The following NIBAN1 variants were observed in gnomAD, a reference collection of about 807,000 sequenced individuals.
The protein encoded by NIBAN1 is niban apoptosis regulator 1.
In NIBAN1, 81 loss-of-function variants were observed where a neutral mutation model predicts 75.1. That is an observed-to-expected ratio of 1.08 (90% CI 0.90 to 1.30). The LOEUF (loss-of-function observed/expected upper bound fraction) is 1.30, where lower values mean the gene tolerates loss of function less well. Ranked by LOEUF, NIBAN1 falls within the 50% of genes most tolerant of loss-of-function variation. NIBAN1 has a pLI of 0.00. For missense variants in NIBAN1, 1,133 were observed against 1,128.1 expected, an observed-to-expected ratio of 1.00 and a Z score of -0.06; for synonymous variants, 436 against 424.8, an observed-to-expected ratio of 1.03 and a Z score of -0.32.
intron 5 of NIBAN1, among the ~76,000 whole-genome samples, chr1:184,866,385 T>G (rs1489930647): frequency 6.6e-6 from 1 of 152,144 alleles, no homozygotes; most frequent in Non-Finnish European, 1.5e-5. Context: ...GCTATTGGCT[T>G]AGGATTTAGT....
At chr1:184,927,278 G>A (rs762420446) in intron 1 of NIBAN1, among the ~76,000 whole-genome samples, 2 of 152,126 alleles carry the variant, frequency 1.3e-5, no homozygotes, top group Non-Finnish European at 2.9e-5. Flanking sequence ...CTCAGTCTGG[G>A]CTTGTTTGTA....
At chr1:184,867,976 G>A in intron 5 of NIBAN1, 1 of 985,356 alleles carries the variant, frequency 1.0e-6, no homozygotes, top group South Asian at 4.7e-5. Flanking sequence ...AGGTGGGGAA[G>A]GAAAAAACAA....
At chr1:184,893,947 C>T in intron 3 of NIBAN1, 128 bp downstream of exon 3, 1 of 914,228 alleles carries the variant, frequency 1.1e-6, no homozygotes, top group Non-Finnish European at 1.6e-6. Flanking sequence ...GAATCAGTCT[C>T]TATTTTTGTA....
chr1:184,844,137 G>A (rs545460685), intron 5 of NIBAN1, among the ~76,000 whole-genome samples: 1 of 152,326 alleles, frequency 6.6e-6, no homozygotes, highest in Non-Finnish European at 1.5e-5. Context: ...TATCACTGTA[G>A]CACATAAAAA....
At chr1:184,972,806 C>T (rs192880041) in intron 1 of NIBAN1, among the ~76,000 whole-genome samples, 9 of 152,316 alleles carry the variant, frequency 5.9e-5, no homozygotes, top group East Asian at 5.8e-4. Context: ...ACAAATGGCA[C>T]GGCCAGGAAG....
intron 10 of NIBAN1, 125 bp from the exon 11 acceptor site, chr1:184,806,181 G>A: frequency 1.5e-6 from 1 of 671,828 alleles, no homozygotes; most frequent in Non-Finnish European, 2.5e-6. Flanking sequence ...CTGCTATTCG[G>A]TGGGGGTACC....
intron 1 of NIBAN1, among the ~76,000 whole-genome samples, chr1:184,949,307 G>A (rs753079052): frequency 9.2e-5 from 14 of 152,286 alleles, no homozygotes; most frequent in Non-Finnish European, 2.1e-4. Flanking sequence ...GCAGTAAGCC[G>A]AGATTGCACC....
chr1:184,862,325 AG>A (rs1410365289), intron 5 of NIBAN1, among the ~76,000 whole-genome samples: 1 of 151,048 alleles, frequency 6.6e-6, no homozygotes, highest in Non-Finnish European at 1.5e-5. Flanking sequence ...TTTTTTTTTA[AG>A]GTGAGATCTC....
intron 5 of NIBAN1, among the ~76,000 whole-genome samples, chr1:184,876,562 G>A (rs1428048313): frequency 2.0e-5 from 3 of 151,676 alleles, no homozygotes; most frequent in Admixed American, 2.0e-4. Flanking sequence ...TTACCCAGGT[G>A]TGGTAGTGTG....
rs114958090 is a variant in NIBAN1 at position 184,909,426 on chromosome 1, G to A, written c.56-10117C>T. ...ATCTATGCCATTAATGTAAAAAAAC[G>A]CATTTCTAGATAACTGTGTTTGGGG... On this transcript the variant is annotated intron_variant, in intron 1 of 13. Transcript: ENST00000367511. Among the ~76,000 whole-genome samples, 514 of 151,926 alleles carry A rather than the reference G, an allele frequency of 3.4e-3. 8 individuals are homozygous for A. The East Asian group carries it at 0.038, about 11-fold the overall frequency.
chr1:184,871,853 T>C (rs1037273133), intron 5 of NIBAN1, among the ~76,000 whole-genome samples: 3 of 152,152 alleles, frequency 2.0e-5, no homozygotes, highest in African/African-American at 7.2e-5. Context: ...AAGAGATAAA[T>C]ATTTCTCTTG....
rs190498543 is a variant in NIBAN1 at position 184,811,102 on chromosome 1, C to T, written c.1174-2867G>A. Among the ~76,000 whole-genome samples the T allele has an allele frequency of 1.6e-3, 238 of 152,282 alleles. 1 individual carries two copies. Among genetic ancestry groups the T allele is most frequent in the African/African-American group, 5.5e-3 (228 of 41,556 alleles). On this transcript the variant is annotated intron_variant, in intron 9 of 13. Transcript: ENST00000367511. ...GTCATGACAGAAACTGGACTGGGTC[C>T]AGGAACAGATTTGATCCAGGAATTA...
intron 1 of NIBAN1, among the ~76,000 whole-genome samples, chr1:184,946,965 C>G (rs1658240434): frequency 6.6e-6 from 1 of 151,896 alleles, no homozygotes. Flanking sequence ...CCCAGCTACT[C>G]AGGAGGCTGA....
intron 1 of NIBAN1, among the ~76,000 whole-genome samples, chr1:184,943,129 G>T (rs930113917): frequency 2.6e-5 from 4 of 152,138 alleles, no homozygotes; most frequent in African/African-American, 7.2e-5. Context: ...ATAAAATTCT[G>T]CTGCTTCCCA....
chr1:184,950,134 C>A (rs1309609395), intron 1 of NIBAN1, among the ~76,000 whole-genome samples: 1 of 152,052 alleles, frequency 6.6e-6, no homozygotes, highest in Non-Finnish European at 1.5e-5. Flanking sequence ...CAACCCCAAC[C>A]CAAATGAATG....
chr1:184,795,219 C>A lies in NIBAN1; in HGVS notation c.2545G>T (p.Asp849Tyr). Reference sequence around the variant, plus strand: ...TGGCTCTCACTGAGGCAGATGGGGTCAGAACCTAAGGTGCAGCCCTCTTGC... The same window carrying A: ...TGGCTCTCACTGAGGCAGATGGGGTAAGAACCTAAGGTGCAGCCCTCTTGC... ...SQQEGCTLGSDPICLSESQVS... is the reference protein window; with the variant it reads ...SQQEGCTLGSYPICLSESQVS... Residue 849 changes from aspartate (D) to tyrosine (Y), a missense_variant, in exon 14 of 14, where the codon GAC (aspartate) becomes TAC (tyrosine). Coordinates refer to ENST00000367511, the MANE Select transcript of NIBAN1 (RefSeq NM_052966.4). 1.2e-6 allele frequency: 2 copies of A among 1,614,056 alleles called. No individual in the cohort carries two copies. The highest frequency in any genetic ancestry group is 1.7e-6 in the Non-Finnish European group (2 of 1,180,040).
intron 5 of NIBAN1, among the ~76,000 whole-genome samples, chr1:184,852,112 C>T (rs1655557411): frequency 6.6e-6 from 1 of 152,166 alleles, no homozygotes; most frequent in African/African-American, 2.4e-5. Context: ...TGACCCAGTC[C>T]ACCAAGCAGT....
chr1:184,952,119 G>A (rs1215973719), intron 1 of NIBAN1, among the ~76,000 whole-genome samples: 1 of 152,204 alleles, frequency 6.6e-6, no homozygotes, highest in Non-Finnish European at 1.5e-5. Flanking sequence ...GAAATAGATA[G>A]GCCAGGCATG....
intron 1 of NIBAN1, among the ~76,000 whole-genome samples, chr1:184,957,390 C>T (rs1011016445): frequency 5.9e-5 from 9 of 152,334 alleles, no homozygotes; most frequent in African/African-American, 2.2e-4. Flanking sequence ...GTAAATTCAA[C>T]AAGCTGTTGA....
Sources: gnomAD v4.1 joint callset for allele counts (sites outside exome capture counted in the v4.1 genomes callset) on GRCh38, gnomAD v4.1.1 for gene constraint, MANE v1.5 for transcripts, NCBI Gene and HGNC (gene_info 2026-07-23, HGNC 2026-07-21) for gene names.